SLC9C1: variants seen among roughly 807,000 people sequenced by gnomAD.
SLC9C1 encodes sodium/hydrogen exchanger 10.
In SLC9C1, 97 loss-of-function variants were observed where a neutral mutation model predicts 140.9. The observed-to-expected ratio is 0.69, with a 90% CI of 0.58 to 0.82. The LOEUF (loss-of-function observed/expected upper bound fraction) is 0.82. Among genes scored for constraint, SLC9C1 ranks in the 40% least tolerant of loss-of-function variants. SLC9C1 has a pLI of 0.00. For missense variants in SLC9C1, 1,340 were observed against 1,389.3 expected, an observed-to-expected ratio of 0.96 and a Z score of 0.56; for synonymous variants, 440 against 442.6, an observed-to-expected ratio of 0.99 and a Z score of 0.07.
At chr3:112,205,314 A>G (rs2078017038) in intron 16 of SLC9C1, among the ~76,000 whole-genome samples, 1 of 152,048 alleles carries the variant, frequency 6.6e-6, no homozygotes, top group African/African-American at 2.4e-5. Context: ...TGCTTCAAAG[A>G]CAATAAAATA....
intron 16 of SLC9C1, among the ~76,000 whole-genome samples, chr3:112,204,707 G>A (rs538128589): frequency 4.6e-5 from 7 of 152,152 alleles, no homozygotes; most frequent in African/African-American, 1.7e-4. Context: ...CAAAAATGTA[G>A]TACGCCAGGG....
intron 23 of SLC9C1, among the ~76,000 whole-genome samples, chr3:112,177,217 G>A (rs2077356546): frequency 1.3e-5 from 2 of 151,876 alleles, no homozygotes; most frequent in South Asian, 4.2e-4. Flanking sequence ...ATGTTGGCCA[G>A]GCTGGTCTCA....
At chr3:112,229,749 G>A (rs1050042808) in intron 13 of SLC9C1, among the ~76,000 whole-genome samples, 5 of 151,994 alleles carry the variant, frequency 3.3e-5, no homozygotes, top group Non-Finnish European at 7.4e-5. Flanking sequence ...ACAAAAATTG[G>A]TGAGCAAGTA....
At chr3:112,142,796 G>A (rs868587143) in intron 28 of SLC9C1, among the ~76,000 whole-genome samples, 4 of 152,130 alleles carry the variant, frequency 2.6e-5, no homozygotes, top group Middle Eastern at 3.4e-3. Context: ...GGTATATTGC[G>A]TGATGCTGGG....
intron 10 of SLC9C1, 90 bp downstream of exon 10, chr3:112,262,834 T>A: frequency 8.6e-7 from 1 of 1,160,464 alleles, no homozygotes; most frequent in South Asian, 2.9e-5. Flanking sequence ...CAAGTGAAGT[T>A]GAGCTACCTC....
intron 12 of SLC9C1, among the ~76,000 whole-genome samples, chr3:112,234,838 C>T (rs759161294): frequency 1.3e-5 from 2 of 151,988 alleles, no homozygotes; most frequent in Non-Finnish European, 2.9e-5. Context: ...TTGTCTAGAT[C>T]TCTGTTTTGG....
In SLC9C1 at chr3:112,199,461, CTAAG is replaced by C. The variant is rs1349026951; in HGVS notation, c.2379_2382del (p.Tyr793Ter). 7 of 1,560,840 alleles carry C rather than the reference CTAAG, an allele frequency of 4.5e-6. No individual in the cohort carries two copies. Among genetic ancestry groups the C allele is most frequent in the African/African-American group, 2.8e-5 (2 of 72,024 alleles). On this transcript the variant is annotated frameshift_variant, in exon 20 of 29. Coordinates refer to ENST00000305815, the MANE Select transcript of SLC9C1 (RefSeq NM_183061.3). LOFTEE classifies it high-confidence loss of function. ...ACAGCAATTTCTGGGTGATCATACTCTAAGTAGCCTAAAAAATAACAAAATATTT... is the reference window on the plus strand; with the variant it reads ...ACAGCAATTTCTGGGTGATCATACTCTAGCCTAAAAAATAACAAAATATTT...
chr3:112,169,896 T>A (rs537089359), intron 23 of SLC9C1, among the ~76,000 whole-genome samples: 4 of 152,274 alleles, frequency 2.6e-5, no homozygotes, highest in Admixed American at 2.6e-4. Context: ...TCATCTAAAA[T>A]TTCTTTCCAT....
intron 13 of SLC9C1, among the ~76,000 whole-genome samples, chr3:112,226,216 A>G (rs539532252): frequency 1.5e-4 from 23 of 152,310 alleles, no homozygotes; most frequent in African/African-American, 5.5e-4. Flanking sequence ...ATGGAGTAAA[A>G]CTGGAAATCA....
intron 10 of SLC9C1, among the ~76,000 whole-genome samples, chr3:112,250,554 C>T (rs1576447278): frequency 6.6e-6 from 1 of 151,938 alleles, no homozygotes; most frequent in African/African-American, 2.4e-5. Context: ...TCCTATTTCT[C>T]CACATCCTCT....
Position 112,151,128 on chromosome 3 carries a change from G to A in SLC9C1, c.3524+729C>T, listed in dbSNP as rs144107626. On this transcript the variant is annotated intron_variant, in intron 28 of 28. Coordinates refer to ENST00000305815, the MANE Select transcript of SLC9C1 (RefSeq NM_183061.3). ...TGGGATTACAGGCGTGAGCCACCGC[G>A]CCCAGCCTGAAGAATTACATTTTTA... Among the ~76,000 whole-genome samples, 579 of 152,076 alleles carry A rather than the reference G, an allele frequency of 3.8e-3. 3 individuals are homozygous for A. The highest frequency in any genetic ancestry group is 0.013 in the African/African-American group (533 of 41,488).
intron 10 of SLC9C1, among the ~76,000 whole-genome samples, chr3:112,247,718 T>C (rs2079329100): frequency 6.6e-6 from 1 of 151,966 alleles, no homozygotes; most frequent in Non-Finnish European, 1.5e-5. Flanking sequence ...TAGAAGCAGC[T>C]CTTAGAAGTC....
intron 2 of SLC9C1, among the ~76,000 whole-genome samples, chr3:112,281,956 G>T (rs2080368987): frequency 6.6e-6 from 1 of 152,194 alleles, no homozygotes; most frequent in East Asian, 1.9e-4. Flanking sequence ...CACAGTGGCG[G>T]ATCATCCACA....
At chr3:112,235,102 T>C (rs1173638281) in intron 12 of SLC9C1, among the ~76,000 whole-genome samples, 4 of 144,024 alleles carry the variant, frequency 2.8e-5, no homozygotes, top group Non-Finnish European at 4.6e-5. Context: ...ATTCTTCCTA[T>C]CCATGAGCAT....
chr3:112,153,219 C>T (rs2075033714), intron 27 of SLC9C1, among the ~76,000 whole-genome samples: 1 of 152,150 alleles, frequency 6.6e-6, no homozygotes, highest in South Asian at 2.1e-4. Flanking sequence ...CATTTTCACA[C>T]TCCTGCTTCA....
intron 26 of SLC9C1, among the ~76,000 whole-genome samples, chr3:112,162,129 A>C (rs1166108800): frequency 1.3e-5 from 2 of 152,086 alleles, no homozygotes; most frequent in African/African-American, 4.8e-5. Flanking sequence ...TTGTATCCTG[A>C]GACTTTGCTG....
At chr3:112,268,816 G>C (rs1034531946) in intron 7 of SLC9C1, among the ~76,000 whole-genome samples, 2 of 152,164 alleles carry the variant, frequency 1.3e-5, no homozygotes, top group African/African-American at 4.8e-5. Context: ...AAATGTAACA[G>C]AGACATAGTA....
chr3:112,154,508 T>C (rs1184565053), intron 27 of SLC9C1, among the ~76,000 whole-genome samples: 3 of 152,198 alleles, frequency 2.0e-5, no homozygotes, highest in Non-Finnish European at 4.4e-5. Context: ...TGTGGGACTT[T>C]CTGAATAATT....
intron 10 of SLC9C1, among the ~76,000 whole-genome samples, chr3:112,250,064 C>A (rs2079407392): frequency 7.1e-6 from 1 of 141,334 alleles, no homozygotes. Context: ...CCCTCCCCCT[C>A]CCCCCACCCC....
Sources: allele counts gnomAD v4.1 joint callset (sites outside exome capture counted in the v4.1 genomes callset), GRCh38; gene constraint gnomAD v4.1.1; transcripts MANE v1.5; gene names NCBI Gene and HGNC (gene_info 2026-07-23, HGNC 2026-07-21).